The following PRKG1 variants were observed in gnomAD, a reference collection of about 807,000 sequenced individuals.
The protein encoded by PRKG1 is protein kinase cGMP-dependent 1.
Under a neutral mutation model 88.1 loss-of-function variants are expected in PRKG1, and 35 were observed. The observed-to-expected ratio is 0.40, with a 90% CI of 0.30 to 0.53. The LOEUF (loss-of-function observed/expected upper bound fraction) is 0.53, where lower values mean the gene tolerates loss of function less well. Ranked by LOEUF, PRKG1 falls within the 20% of genes least tolerant of loss-of-function variation. PRKG1 has a pLI of 0.59. For synonymous variants in PRKG1, 303 were observed against 292.5 expected, an observed-to-expected ratio of 1.04 and a Z score of -0.37; for missense variants, 540 against 839.8, an observed-to-expected ratio of 0.64 and a Z score of 4.41.
chr10:51,638,686 T>C (rs1442246412), intron 3 of PRKG1, among the ~76,000 whole-genome samples: 1 of 152,176 alleles, frequency 6.6e-6, no homozygotes, highest in Non-Finnish European at 1.5e-5. Flanking sequence ...GAATAATATG[T>C]GCAGGAGAGC....
chr10:52,290,570 A>G (rs1842216700), intron 17 of PRKG1, among the ~76,000 whole-genome samples: 1 of 152,148 alleles, frequency 6.6e-6, no homozygotes, highest in African/African-American at 2.4e-5. Flanking sequence ...TAGCATGGGA[A>G]ATGTTCAAAA....
At chr10:51,245,199 AT>A in intron 2 of PRKG1, 1 of 152,024 alleles carries the variant, frequency 6.6e-6, no homozygotes, top group Non-Finnish European at 1.5e-5. Flanking sequence ...ACTAAATTAG[AT>A]TTTTTTTACT....
At chr10:52,267,010 T>C (rs975641361) in intron 10 of PRKG1, among the ~76,000 whole-genome samples, 1 of 151,330 alleles carries the variant, frequency 6.6e-6, no homozygotes, top group African/African-American at 2.4e-5. Context: ...TACTCGAAAG[T>C]AATTTCATAG....
intron 4 of PRKG1, among the ~76,000 whole-genome samples, chr10:51,890,276 T>C (rs1024777840): frequency 1.6e-4 from 24 of 152,238 alleles, no homozygotes; most frequent in Non-Finnish European, 3.1e-4. Context: ...TAATCTGTCC[T>C]AATTCCTCCT....
intron 2 of PRKG1, among the ~76,000 whole-genome samples, chr10:51,157,886 A>G (rs1034227133): frequency 1.3e-5 from 2 of 151,702 alleles, no homozygotes; most frequent in African/African-American, 4.8e-5. Flanking sequence ...TTATTCATTT[A>G]ATTGATATAC....
intron 11 of PRKG1, 98 bp from the exon 12 acceptor site, chr10:52,272,294 C>A: frequency 1.1e-6 from 1 of 878,326 alleles, no homozygotes; most frequent in South Asian, 1.9e-5. Flanking sequence ...AAATTTTGAG[C>A]TTGGCAAATC....
intron 5 of PRKG1, among the ~76,000 whole-genome samples, chr10:52,007,509 C>CAA (rs1844768451): frequency 6.6e-6 from 1 of 152,054 alleles, no homozygotes; most frequent in Non-Finnish European, 1.5e-5. Context: ...TTTAAACCAA[C>CAA]AAAGACCAAA....
At chr10:51,583,337 T>C (rs1442926091) in intron 3 of PRKG1, among the ~76,000 whole-genome samples, 1 of 152,264 alleles carries the variant, frequency 6.6e-6, no homozygotes, top group East Asian at 1.9e-4. Context: ...TCTCTGTCGA[T>C]GAAATATTAA....
intron 5 of PRKG1, among the ~76,000 whole-genome samples, chr10:52,012,202 C>A (rs1844902848): frequency 6.7e-6 from 1 of 149,338 alleles, no homozygotes; most frequent in South Asian, 2.1e-4. Flanking sequence ...GACTATTGCA[C>A]AGTTTTGTTT....
chr10:51,845,802 A>T (rs1219505375), intron 4 of PRKG1, among the ~76,000 whole-genome samples: 1 of 152,100 alleles, frequency 6.6e-6, no homozygotes, highest in African/African-American at 2.4e-5. Flanking sequence ...TTTTAGTTTT[A>T]TACTACCTTC....
chr10:51,986,092 G>A (rs979206802), intron 5 of PRKG1, among the ~76,000 whole-genome samples: 4 of 152,182 alleles, frequency 2.6e-5, no homozygotes, highest in African/African-American at 7.2e-5. Flanking sequence ...AGAACCACAA[G>A]AGAGTACTGT....
intron 2 of PRKG1, among the ~76,000 whole-genome samples, chr10:51,276,788 C>T (rs1016584815): frequency 1.3e-5 from 2 of 152,168 alleles, no homozygotes; most frequent in Admixed American, 6.5e-5. Context: ...TGTTCATATC[C>T]TTCGCCCACT....
At chr10:51,320,229 A>G (rs1841420272) in intron 2 of PRKG1, 2 of 162,930 alleles carry the variant, frequency 1.2e-5, no homozygotes, top group Non-Finnish European at 2.9e-5. Context: ...CTACCTTACT[A>G]CCTTCCGTGC....
At chr10:51,975,161 A>ACGGGC (rs1843799894) in intron 5 of PRKG1, among the ~76,000 whole-genome samples, 1 of 152,112 alleles carries the variant, frequency 6.6e-6, no homozygotes, top group Non-Finnish European at 1.5e-5. Flanking sequence ...ACCATAAAAT[A>ACGGGC]CGGGCTTCAT....
intron 2 of PRKG1, among the ~76,000 whole-genome samples, chr10:51,174,974 A>C (rs1208778420): frequency 6.6e-6 from 1 of 151,958 alleles, no homozygotes; most frequent in Non-Finnish European, 1.5e-5. Flanking sequence ...CTTTTTATTT[A>C]TACGTTGTGA....
At chr10:51,760,972 C>T (rs147050397) in intron 3 of PRKG1, among the ~76,000 whole-genome samples, 1 of 152,058 alleles carries the variant, frequency 6.6e-6, no homozygotes, top group Non-Finnish European at 1.5e-5. Flanking sequence ...AAAATTAGCC[C>T]AGTCTGGTGT....
chr10:51,714,114 G>C (rs1841828426), intron 3 of PRKG1, among the ~76,000 whole-genome samples: 1 of 152,090 alleles, frequency 6.6e-6, no homozygotes, highest in African/African-American at 2.4e-5. Flanking sequence ...CGAGTAGCTG[G>C]GACTACAGGC....
rs140652348 is a variant in PRKG1 at position 51,717,946 on chromosome 10, A to G, written c.593-86639A>G. On this transcript the variant is annotated intron_variant, in intron 3 of 17. Coordinates refer to ENST00000373980, the MANE Select transcript of PRKG1 (RefSeq NM_006258.4). ...TTTCTGCCTTGATTATTACATTATA[A>G]TAGTTTTCTAAATCATCTTTCTGTC... Among the ~76,000 whole-genome samples the G allele has an allele frequency of 4.5e-3, 678 of 152,234 alleles. 2 individuals are homozygous for G. The highest frequency in any genetic ancestry group is 0.016 in the African/African-American group (656 of 41,548).
At position 51,382,491 on chromosome 10, in the gene PRKG1, AG is replaced by A. The variant is rs145629199; in HGVS notation, c.479-85231del. 1.6e-3 allele frequency among the ~76,000 whole-genome samples: 240 copies of A among 152,342 alleles called. 6 individuals are homozygous for A. In the East Asian group the frequency reaches 0.042, roughly 27 times the overall value. On this transcript the variant is annotated intron_variant, in intron 2 of 17. Transcript: ENST00000373980. ...CAAGTCCTTTGGGCACCATTATCAG[AG>A]TAAACATATCGTCAACTTTACACTT...
Sources: allele counts gnomAD v4.1 joint callset (sites outside exome capture counted in the v4.1 genomes callset), GRCh38; gene constraint gnomAD v4.1.1; transcripts MANE v1.5; gene names NCBI Gene and HGNC (gene_info 2026-07-23, HGNC 2026-07-21).